The following DRG2 variants were observed in gnomAD, a reference collection of about 807,000 sequenced individuals.
DRG2 encodes the protein developmentally regulated GTP binding protein 2.
A neutral mutation model predicts 53.4 loss-of-function variants in DRG2; 36 were observed. That is an observed-to-expected ratio of 0.67 (90% CI 0.52 to 0.89). The LOEUF (loss-of-function observed/expected upper bound fraction) is 0.89. DRG2 is among the 40% of genes least tolerant of loss of function. The pLI is 0.00. For missense variants in DRG2, 342 were observed against 481.2 expected, an observed-to-expected ratio of 0.71 and a Z score of 2.71; for synonymous variants, 167 against 192.1, an observed-to-expected ratio of 0.87 and a Z score of 1.08.
At chr17:18,107,106 T>C (rs372725684) in intron 12 of DRG2, 48 bp from the exon 13 acceptor site, 1 of 1,576,980 alleles carries the variant, frequency 6.3e-7, no homozygotes, top group African/African-American at 1.3e-5. Flanking sequence ...TCCTTGACCT[T>C]GGCCAGTCCA....
chr17:18,103,387 T>C lies in DRG2; in HGVS notation c.807-414T>C, dbSNP rs1189835278. ...TCTGGTGTCTCCAGAGCCTTGGTTCTCCCCTCTTCTTGCTGAAATCCCTGC... is the reference window on the plus strand; with the variant it reads ...TCTGGTGTCTCCAGAGCCTTGGTTCCCCCCTCTTCTTGCTGAAATCCCTGC... On this transcript the variant is annotated intron_variant, in intron 9 of 12. Transcript: ENST00000225729. The surrounding 1 kb of genome is among the most constrained non-coding windows in gnomAD (Gnocchi z 4.4). Among the ~76,000 whole-genome samples the C allele has an allele frequency of 6.6e-6, 1 of 152,126 alleles. No homozygotes were observed. Among genetic ancestry groups the C allele is most frequent in the East Asian group, 1.9e-4 (1 of 5,190 alleles).
rs1164725580 is a variant in DRG2, at chr17:18,103,313, A to C, written c.807-488A>C. ...GGCCTTATCTTTTTAATCCCTCTGC[A>C]GTCCTGCGAGGTAGGGACTGGGTTC... On this transcript the variant is annotated intron_variant, in intron 9 of 12. Coordinates refer to ENST00000225729, the MANE Select transcript of DRG2 (RefSeq NM_001388.5). The surrounding 1 kb of genome is among the most constrained non-coding windows in gnomAD (Gnocchi z 4.4). Among the ~76,000 whole-genome samples, 1 of 152,090 alleles carries C rather than the reference A, an allele frequency of 6.6e-6. No individual in the cohort carries two copies. Among genetic ancestry groups the C allele is most frequent in the Admixed American group, 6.5e-5 (1 of 15,276 alleles).
Position 18,107,375 on chromosome 17 carries a change from A to C in DRG2, c.*135A>C. 3.4e-6 allele frequency: 3 copies of C among 884,304 alleles called. No homozygotes were observed. Among genetic ancestry groups the C allele is most frequent in the Non-Finnish European group, 3.5e-6 (2 of 571,064 alleles). 54.8% of individuals were successfully genotyped at this position (884,304 alleles called of 1,614,324 possible). A position where few individuals can be genotyped will look rare whatever the true frequency, so the allele number is the denominator to read the frequency against. On this transcript the variant is annotated 3_prime_UTR_variant, in exon 13 of 13. Coordinates refer to ENST00000225729, the MANE Select transcript of DRG2 (RefSeq NM_001388.5). Reference sequence around the variant, plus strand: ...GGGGTCCCTCAAGTCTCTGCTATTTACAGAAGTTTCTTCAGTAGGCAGACG... The same window carrying C: ...GGGGTCCCTCAAGTCTCTGCTATTTCCAGAAGTTTCTTCAGTAGGCAGACG...
rs1163530819 is a variant in DRG2 at position 18,097,996 on chromosome 17, T to A, written c.226-274T>A. Reference sequence around the variant, plus strand: ...GGTTAGGAGAGGCTCCTGATGTATATGGGGAACCCCATCAGAATCCAGATC... The same window carrying A: ...GGTTAGGAGAGGCTCCTGATGTATAAGGGGAACCCCATCAGAATCCAGATC... On this transcript the variant is annotated intron_variant, in intron 2 of 12. Transcript: ENST00000225729. The A allele has an allele frequency of 1.6e-5, 5 of 304,874 alleles. No individual in the cohort carries two copies. The East Asian group carries it at 3.2e-4, about 20-fold the overall frequency. 18.9% of individuals were successfully genotyped at this position (304,874 alleles called of 1,614,324 possible).
chr17:18,093,784 C>A (rs1286776819), intron 1 of DRG2, 29 bp from the exon 2 acceptor site: 1 of 1,606,712 alleles, frequency 6.2e-7, no homozygotes, highest in Admixed American at 1.7e-5. Flanking sequence ...CCTGGCCACT[C>A]ATCTTCTGTC....
chr17:18,090,772 C>G (rs2045320630), intron 1 of DRG2, among the ~76,000 whole-genome samples: 1 of 149,716 alleles, frequency 6.7e-6, no homozygotes, highest in South Asian at 2.1e-4. Context: ...CAGCCTCAAG[C>G]AGTCCTCCCT....
rs1256397477 is a variant in DRG2, at chr17:18,100,321, CTG to C, written c.468-39_468-38del. The C allele has an allele frequency of 1.9e-6, 3 of 1,602,622 alleles. No homozygotes were observed. The highest frequency in any genetic ancestry group is 2.6e-6 in the Non-Finnish European group (3 of 1,170,084). On this transcript the variant is annotated intron_variant, in intron 5 of 12. Coordinates refer to ENST00000225729, the MANE Select transcript of DRG2 (RefSeq NM_001388.5). This position sits in a 1 kb window ranked among gnomAD's most constrained non-coding sequence, Gnocchi z 4.1. ...TAACAGGGAAGCTGTGCATCTGGCT[CTG>C]TGGACAGCCTGTGAGGGGCTTAAGG... is the stretch of plus-strand genomic sequence containing the variant.
intron 10 of DRG2, 176 bp from the exon 11 acceptor site, chr17:18,104,447 T>A (rs2045591885): frequency 2.2e-6 from 3 of 1,338,132 alleles, no homozygotes; most frequent in Non-Finnish European, 3.0e-6. Flanking sequence ...AAGATCAAGG[T>A]CGTAGAAGAT....
rs2045463590 is a variant in DRG2 at position 18,098,061 on chromosome 17, C to T, written c.226-209C>T. The T allele has an allele frequency of 2.0e-6, 1 of 499,180 alleles. No individual in the cohort carries two copies. Among genetic ancestry groups the T allele is most frequent in the Non-Finnish European group, 3.7e-6 (1 of 270,950 alleles). The allele number at this position is 499,180 out of a possible 1,614,324, so 30.9% of individuals were successfully genotyped here. ...AGACAGTCCTGAGGCCTCCAAGGAA[C>T]AGATGGGCCTCTGGTGTCTGACCCA... is the stretch of plus-strand genomic sequence containing the variant. On this transcript the variant is annotated intron_variant, in intron 2 of 12. Transcript: ENST00000225729. This position sits in a 1 kb window ranked among gnomAD's most constrained non-coding sequence, Gnocchi z 4.1.
chr17:18,103,699 A>T lies in DRG2; in HGVS notation c.807-102A>T. Reference sequence around the variant, plus strand: ...GTTTCCCTGTGGGTACCAGCGGGCCACCTGGCCAGTGGAGGTTATCCGCTC... The same window carrying T: ...GTTTCCCTGTGGGTACCAGCGGGCCTCCTGGCCAGTGGAGGTTATCCGCTC... On this transcript the variant is annotated intron_variant, in intron 9 of 12. Transcript: ENST00000225729. The surrounding 1 kb of genome is among the most constrained non-coding windows in gnomAD (Gnocchi z 4.4). The T allele has an allele frequency of 9.3e-7, 1 of 1,075,828 alleles. No homozygotes were observed. Among genetic ancestry groups the T allele is most frequent in the Non-Finnish European group, 1.4e-6 (1 of 702,890 alleles). 66.6% of individuals were successfully genotyped at this position (1,075,828 alleles called of 1,614,324 possible).
At chr17:18,093,735 G>A (rs2045378056) in intron 1 of DRG2, 78 bp from the exon 2 acceptor site, 11 of 1,513,910 alleles carry the variant, frequency 7.3e-6, no homozygotes, top group Non-Finnish European at 9.8e-6. Context: ...CCAGCACTTG[G>A]CGACATGTGG....
Position 18,089,691 on chromosome 17 carries a change from A to G in DRG2, c.64+1604A>G, listed in dbSNP as rs553692514. 5.9e-5 allele frequency among the ~76,000 whole-genome samples: 9 copies of G among 152,302 alleles called. No homozygotes were observed. In the South Asian group the frequency reaches 1.9e-3, roughly 32 times the overall value. On this transcript the variant is annotated intron_variant, in intron 1 of 12. Coordinates refer to ENST00000225729, the MANE Select transcript of DRG2 (RefSeq NM_001388.5). ...AGTGATAGAGAAGACCACCATGAGG[A>G]TGGGGCATTTGAACTAAGACCTGAT...
At chr17:18,090,385 TATATATA>T (rs2045301375) in intron 1 of DRG2, among the ~76,000 whole-genome samples, 1 of 22,148 alleles carries the variant, frequency 4.5e-5, no homozygotes, top group East Asian at 1.6e-3. Context: ...TATATATATA[TATATATA>T]TATATATATA....
At chr17:18,101,802 G>C in intron 8 of DRG2, 119 bp from the exon 9 acceptor site, 2 of 1,257,440 alleles carry the variant, frequency 1.6e-6, no homozygotes, top group South Asian at 2.8e-5. Context: ...AGCAAGGGGA[G>C]GAAGGGCGTA....
chr17:18,091,343 T>C (rs1051525236), intron 1 of DRG2, among the ~76,000 whole-genome samples: 1 of 152,188 alleles, frequency 6.6e-6, no homozygotes, highest in Non-Finnish European at 1.5e-5. Flanking sequence ...CCCAGCACTT[T>C]GGGAGGCCGA....
intron 10 of DRG2, 42 bp from the exon 11 acceptor site, chr17:18,104,581 G>C (rs1411710357): frequency 1.9e-6 from 3 of 1,613,398 alleles, no homozygotes; most frequent in African/African-American, 1.3e-5. Context: ...GGCAGTGTGG[G>C]CCCTGATGTG....
chr17:18,089,324 G>T (rs2142175598), intron 1 of DRG2, among the ~76,000 whole-genome samples: 1 of 152,142 alleles, frequency 6.6e-6, no homozygotes, highest in South Asian at 2.1e-4. Context: ...TTTTTTAGTA[G>T]AGAGGGGGTT....
intron 1 of DRG2, 89 bp downstream of exon 1, chr17:18,088,176 G>C: frequency 6.9e-7 from 1 of 1,444,390 alleles, no homozygotes; most frequent in Non-Finnish European, 9.3e-7. Flanking sequence ...AGTAATGCTG[G>C]GGCAAGATCC....
Position 18,098,423 on chromosome 17 carries a change from T to C in DRG2, c.315+64T>C. ...ATGCTTGTGTTTGGACTTGTGCCTGTGCCCACCCTGTGTGTGAGTCTGGGT... is the reference window on the plus strand; with the variant it reads ...ATGCTTGTGTTTGGACTTGTGCCTGCGCCCACCCTGTGTGTGAGTCTGGGT... On this transcript the variant is annotated intron_variant, in intron 3 of 12. Coordinates refer to ENST00000225729, the MANE Select transcript of DRG2 (RefSeq NM_001388.5). The surrounding 1 kb of genome is among the most constrained non-coding windows in gnomAD (Gnocchi z 4.1). The C allele has an allele frequency of 6.9e-7, 1 of 1,453,042 alleles. No individual in the cohort carries two copies. The highest frequency in any genetic ancestry group is 9.7e-7 in the Non-Finnish European group (1 of 1,036,062). The allele number at this position is 1,453,042 out of a possible 1,614,324, so 90.0% of individuals were successfully genotyped here.
Sources: gnomAD v4.1 joint callset for allele counts (sites outside exome capture counted in the v4.1 genomes callset) on GRCh38, gnomAD v4.1.1 for gene constraint, Gnocchi (gnomAD v3.1) non-coding constraint, MANE v1.5 for transcripts, NCBI Gene and HGNC (gene_info 2026-07-23, HGNC 2026-07-21) for gene names.